The following CUX1 variants were observed in gnomAD, a reference collection of about 807,000 sequenced individuals.
CUX1 encodes cut like homeobox 1.
A neutral mutation model predicts 158.8 loss-of-function variants in CUX1; 31 were observed. The observed-to-expected ratio is 0.20, with a 90% CI of 0.15 to 0.26. The LOEUF is 0.26. CUX1 is among the 10% of genes least tolerant of loss of function. The probability of loss-of-function intolerance (pLI) is 1.00; values close to 1 mark genes in which losing one functional copy is unlikely to be tolerated. For synonymous variants in CUX1, 879 were observed against 862.1 expected (o/e 1.02, Z -0.34); for missense variants, 1,589 against 2,014.6 (o/e 0.79, Z 4.04).
chr7:102,195,409 C>A (rs2041020), intron 13 of CUX1, 98 bp from the exon 14 acceptor site: 5 of 922,568 alleles, frequency 5.4e-6, no homozygotes, highest in Non-Finnish European at 8.1e-6. Flanking sequence ...TGGGTGGGAA[C>A]GCGGACAGAT....
At chr7:102,005,419 C>G (rs112433153) in intron 2 of CUX1, among the ~76,000 whole-genome samples, 3 of 152,202 alleles carry the variant, frequency 2.0e-5, no homozygotes, top group South Asian at 2.1e-4. Flanking sequence ...ACTGCAGCCT[C>G]GAGCTCCTGG....
chr7:102,162,313 G>T (rs1790528118), intron 9 of CUX1, among the ~76,000 whole-genome samples: 1 of 151,958 alleles, frequency 6.6e-6, no homozygotes, highest in Non-Finnish European at 1.5e-5. Context: ...TTGCTCTGTT[G>T]CCCAGGCTGG....
intron 16 of CUX1, 99 bp from the exon 17 acceptor site, chr7:102,199,972 C>A: frequency 1.0e-6 from 1 of 961,142 alleles, no homozygotes; most frequent in Non-Finnish European, 1.5e-6. Flanking sequence ...GTGTCACCAG[C>A]CCCCACCCGG....
chr7:101,934,963 G>A lies in CUX1; in HGVS notation c.141+18738G>A, dbSNP rs143369753. ...AGGAGCAGGAGGAGGAAGGGTCCAC[G>A]TATAGGAGTGGATGGAGGGGATCTG... On this transcript the variant is annotated intron_variant, in intron 2 of 23. Coordinates refer to ENST00000292535, the MANE Select transcript of CUX1 (RefSeq NM_181552.4). Among the ~76,000 whole-genome samples, 587 of 152,212 alleles carry A rather than the reference G, an allele frequency of 3.9e-3. 6 individuals carry two copies. Among genetic ancestry groups the A allele is most frequent in the African/African-American group, 0.013 (553 of 41,536 alleles).
At chr7:102,160,253 C>T (rs1411014919) in intron 9 of CUX1, among the ~76,000 whole-genome samples, 7 of 152,016 alleles carry the variant, frequency 4.6e-5, no homozygotes, top group African/African-American at 1.5e-4. Context: ...AAGTTTCCAC[C>T]GACTCCACCT....
chr7:102,279,974 T>G, intron 18 of CUX1: 2 of 1,096,248 alleles, frequency 1.8e-6, no homozygotes, highest in South Asian at 2.5e-5. Flanking sequence ...TCCCCTGGGC[T>G]CCTGCCCTTC....
At chr7:101,992,928 C>A (rs1815338177) in intron 2 of CUX1, among the ~76,000 whole-genome samples, 1 of 152,184 alleles carries the variant, frequency 6.6e-6, no homozygotes, top group East Asian at 1.9e-4. Context: ...CTTAGGGAGC[C>A]TCTGGCCACC....
chr7:102,139,708 A>G (rs1834246368), intron 8 of CUX1, among the ~76,000 whole-genome samples: 1 of 152,204 alleles, frequency 6.6e-6, no homozygotes, highest in Non-Finnish European at 1.5e-5. Flanking sequence ...CTATAGTGCA[A>G]TGGCACAGTC....
intron 4 of CUX1, among the ~76,000 whole-genome samples, chr7:102,075,718 T>C (rs1404456964): frequency 6.6e-6 from 1 of 152,222 alleles, no homozygotes; most frequent in Non-Finnish European, 1.5e-5. Context: ...GACAAGTCAA[T>C]TGCAGGAGAA....
intron 8 of CUX1, among the ~76,000 whole-genome samples, chr7:102,152,184 C>CA (rs1415784638): frequency 1.3e-5 from 2 of 152,042 alleles, no homozygotes; most frequent in Non-Finnish European, 2.9e-5. Flanking sequence ...CTCTAAAAAA[C>CA]AAATTTTTCT....
intron 2 of CUX1, among the ~76,000 whole-genome samples, chr7:102,008,027 C>T (rs745425215): frequency 1.3e-5 from 2 of 152,042 alleles, no homozygotes; most frequent in Non-Finnish European, 2.9e-5. Context: ...TTACAGGCAC[C>T]ACTTCTGGTT....
At chr7:102,184,698 G>A (rs1045175902) in intron 11 of CUX1, among the ~76,000 whole-genome samples, 12 of 152,142 alleles carry the variant, frequency 7.9e-5, no homozygotes, top group African/African-American at 2.9e-4. Context: ...CCAGGATGGA[G>A]TACAGTGGCG....
exon 23 of CUX1, chr7:102,283,235 C>G (rs1466761095): frequency 1.5e-6 from 1 of 678,630 alleles, no homozygotes; most frequent in Non-Finnish European, 2.7e-6. Context: ...CCCCAGGTCA[C>G]CTCGGGTCCC....
chr7:101,929,090 C>G (rs1805992080), intron 2 of CUX1, among the ~76,000 whole-genome samples: 1 of 151,970 alleles, frequency 6.6e-6, no homozygotes, highest in Non-Finnish European at 1.5e-5. Flanking sequence ...GCAGGAGAAT[C>G]GCTTGAACCC....
chr7:102,122,861 G>A (rs782813300), intron 8 of CUX1, among the ~76,000 whole-genome samples: 3 of 152,172 alleles, frequency 2.0e-5, no homozygotes, highest in Non-Finnish European at 2.9e-5. Flanking sequence ...AGTAAGGACA[G>A]GGTGGGAGGG....
intron 2 of CUX1, among the ~76,000 whole-genome samples, chr7:102,014,214 A>G (rs1463434616): frequency 6.6e-6 from 1 of 152,158 alleles, no homozygotes; most frequent in Admixed American, 6.6e-5. Context: ...GGTTGCTGTT[A>G]GACACACCTT....
intron 2 of CUX1, among the ~76,000 whole-genome samples, chr7:101,990,743 C>A (rs1277957890): frequency 6.6e-6 from 1 of 152,156 alleles, no homozygotes; most frequent in Non-Finnish European, 1.5e-5. Flanking sequence ...TGAGACAAGA[C>A]CAAAACATAC....
At position 102,201,352 on chromosome 7, in the gene CUX1, C is replaced by G. The variant is rs201396561; in HGVS notation, c.2063-8C>G. 1.9e-6 allele frequency: 3 copies of G among 1,610,000 alleles called. No individual in the cohort carries two copies. Among genetic ancestry groups the G allele is most frequent in the Non-Finnish European group, 2.5e-6 (3 of 1,177,484 alleles). On this transcript the variant is annotated splice_polypyrimidine_tract_variant and splice_region_variant and intron_variant, in intron 17 of 23. Transcript: ENST00000292535. This position sits in a 1 kb window ranked among gnomAD's most constrained non-coding sequence, Gnocchi z 5.0. ...CTGCCACACTCTCACCCCTGTTTCT[C>G]CATGCAGCAGAGCCGGCCCAGCCTT...
intron 4 of CUX1, among the ~76,000 whole-genome samples, chr7:102,096,384 T>C (rs1453470666): frequency 3.9e-5 from 6 of 152,186 alleles, no homozygotes; most frequent in East Asian, 1.9e-4. Flanking sequence ...TTTCCTCTGC[T>C]TCACCTCTGC....
Sources: allele counts gnomAD v4.1 joint callset (sites outside exome capture counted in the v4.1 genomes callset), GRCh38; gene constraint gnomAD v4.1.1; non-coding constraint Gnocchi (gnomAD v3.1); transcripts MANE v1.5; gene names NCBI Gene and HGNC (gene_info 2026-07-23, HGNC 2026-07-21).